GRIK4: variants seen among roughly 807,000 people sequenced by gnomAD.
GRIK4 encodes the protein glutamate receptor ionotropic, kainate 4.
Under a neutral mutation model 104.9 loss-of-function variants are expected in GRIK4, and 40 were observed. That is an observed-to-expected ratio of 0.38 (90% CI 0.30 to 0.50). The LOEUF is 0.50. Ranked by LOEUF, GRIK4 falls within the 20% of genes least tolerant of loss-of-function variation. GRIK4 has a pLI of 0.93. For synonymous variants in GRIK4, 485 were observed against 524.9 expected, an observed-to-expected ratio of 0.92 and a Z score of 1.04; for missense variants, 1,047 against 1,308.1, an observed-to-expected ratio of 0.80 and a Z score of 3.08.
intron 8 of GRIK4, among the ~76,000 whole-genome samples, chr11:120,841,766 G>A (rs1953722226): frequency 6.6e-6 from 1 of 152,136 alleles, no homozygotes; most frequent in Non-Finnish European, 1.5e-5. Context: ...CTGCAACCTT[G>A]ACAATACTTG....
intron 1 of GRIK4, among the ~76,000 whole-genome samples, chr11:120,514,831 C>T (rs796544789): frequency 4.6e-5 from 7 of 152,338 alleles, no homozygotes; most frequent in African/African-American, 1.4e-4. Flanking sequence ...CTTCTGGGCA[C>T]TTCGAGTGTC....
At chr11:120,973,051 C>T (rs1041102549) in intron 19 of GRIK4, among the ~76,000 whole-genome samples, 2 of 152,066 alleles carry the variant, frequency 1.3e-5, no homozygotes, top group Non-Finnish European at 2.9e-5. Flanking sequence ...TGAAATACAT[C>T]CCGGGAAGAA....
chr11:120,609,486 G>T (rs1331908158), intron 1 of GRIK4, among the ~76,000 whole-genome samples: 1 of 124,876 alleles, frequency 8.0e-6, no homozygotes, highest in Admixed American at 8.0e-5. Context: ...TTCCCTCTCT[G>T]CTTTCCCTTT....
At chr11:120,601,871 G>A (rs1948892194) in intron 1 of GRIK4, among the ~76,000 whole-genome samples, 1 of 152,196 alleles carries the variant, frequency 6.6e-6, no homozygotes, top group South Asian at 2.1e-4. Flanking sequence ...CAGCATGAAG[G>A]ATAAAGAAGC....
Position 120,819,743 on chromosome 11 carries a change from T to C in GRIK4, c.346-12T>C, listed in dbSNP as rs761480041. 5.6e-5 allele frequency: 91 copies of C among 1,613,724 alleles called. No homozygotes were observed. Among genetic ancestry groups the C allele is most frequent in the African/African-American group, 2.7e-5 (2 of 74,904 alleles). ...GATCCTCCCTGCTGTCCGTTTTTGC[T>C]CCTCTTGCCAGGTCCCTCACTTCAA... On this transcript the variant is annotated splice_polypyrimidine_tract_variant and intron_variant, in intron 5 of 20. Coordinates refer to ENST00000527524, the MANE Select transcript of GRIK4 (RefSeq NM_014619.5). This position sits in a 1 kb window ranked among gnomAD's most constrained non-coding sequence, Gnocchi z 4.3.
At chr11:120,887,729 A>G (rs1955161939) in intron 11 of GRIK4, among the ~76,000 whole-genome samples, 1 of 152,148 alleles carries the variant, frequency 6.6e-6, no homozygotes, top group Admixed American at 6.5e-5. Context: ...GAGTCTCTTC[A>G]CTCTGGTACA....
chr11:120,512,521 C>T (rs1444812837), intron 1 of GRIK4, among the ~76,000 whole-genome samples: 2 of 152,078 alleles, frequency 1.3e-5, no homozygotes, highest in Non-Finnish European at 1.5e-5. Context: ...AACCAGCGTC[C>T]TATCAGAAAT....
At chr11:120,533,400 C>G (rs1052844598) in intron 1 of GRIK4, among the ~76,000 whole-genome samples, 1 of 152,226 alleles carries the variant, frequency 6.6e-6, no homozygotes, top group Non-Finnish European at 1.5e-5. Context: ...ACAGGTACTG[C>G]TAGCGCCCCT....
Position 120,966,273 on chromosome 11 carries a change from C to T in GRIK4, c.2267-922C>T, listed in dbSNP as rs572358463. On this transcript the variant is annotated intron_variant, in intron 18 of 20. Coordinates refer to ENST00000527524, the MANE Select transcript of GRIK4 (RefSeq NM_014619.5). ...GGAACACCTGGTGACCTGATTCTCA[C>T]ACTCTGGGGTGGCTCTTCTCTCATT... is the stretch of plus-strand genomic sequence containing the variant. 3.3e-5 allele frequency among the ~76,000 whole-genome samples: 5 copies of T among 152,318 alleles called. No individual in the cohort carries two copies. In the South Asian group the frequency reaches 1.0e-3, roughly 32 times the overall value.
intron 1 of GRIK4, among the ~76,000 whole-genome samples, chr11:120,545,139 G>A (rs1205781768): frequency 6.6e-6 from 1 of 152,156 alleles, no homozygotes; most frequent in African/African-American, 2.4e-5. Flanking sequence ...GTTTCCTGTG[G>A]CTCTCTGCAG....
chr11:120,871,391 G>A (rs1390091275), intron 9 of GRIK4: 6 of 350,456 alleles, frequency 1.7e-5, no homozygotes, highest in South Asian at 4.5e-5. Flanking sequence ...CATGCAGGGC[G>A]AATCAAATGA....
At chr11:120,527,643 A>T (rs1285532933) in intron 1 of GRIK4, among the ~76,000 whole-genome samples, 1 of 152,166 alleles carries the variant, frequency 6.6e-6, no homozygotes. Context: ...TACCTTTGTG[A>T]TGTGGCTGAG....
intron 1 of GRIK4, among the ~76,000 whole-genome samples, chr11:120,578,799 G>A (rs1364034741): frequency 1.3e-5 from 2 of 152,194 alleles, no homozygotes; most frequent in African/African-American, 4.8e-5. Context: ...GTAACACCCT[G>A]CTATGTCGTC....
intron 6 of GRIK4, among the ~76,000 whole-genome samples, chr11:120,825,248 C>T (rs912762869): frequency 5.9e-5 from 9 of 152,092 alleles, no homozygotes; most frequent in Non-Finnish European, 1.0e-4. Flanking sequence ...TTTTAATGTC[C>T]TTTTTGTGGT....
chr11:120,689,262 CT>C (rs1371246002), intron 3 of GRIK4, among the ~76,000 whole-genome samples: 1 of 152,112 alleles, frequency 6.6e-6, no homozygotes, highest in Non-Finnish European at 1.5e-5. Context: ...TTCATAACCT[CT>C]TGCCTGGCAA....
intron 1 of GRIK4, among the ~76,000 whole-genome samples, chr11:120,552,283 T>C (rs954010702): frequency 1.3e-5 from 2 of 152,222 alleles, no homozygotes; most frequent in African/African-American, 4.8e-5. Context: ...GCTGCAGAGC[T>C]GATTGCTTGA....
intron 3 of GRIK4, among the ~76,000 whole-genome samples, chr11:120,709,931 T>C (rs552359592): frequency 6.6e-6 from 1 of 152,316 alleles, no homozygotes; most frequent in South Asian, 2.1e-4. Flanking sequence ...AATACATCAC[T>C]GTCTGCATCA....
At chr11:120,848,354 C>T (rs1208396582) in intron 8 of GRIK4, among the ~76,000 whole-genome samples, 1 of 152,176 alleles carries the variant, frequency 6.6e-6, no homozygotes, top group African/African-American at 2.4e-5. Flanking sequence ...TCTGACTTTC[C>T]CTCTCCTTAT....
intron 13 of GRIK4, among the ~76,000 whole-genome samples, chr11:120,913,320 T>C (rs887506263): frequency 2.0e-5 from 3 of 152,008 alleles, no homozygotes; most frequent in African/African-American, 7.2e-5. Context: ...GCCCAGAATT[T>C]GATACCCAAG....
Sources: allele counts gnomAD v4.1 joint callset (sites outside exome capture counted in the v4.1 genomes callset), GRCh38; gene constraint gnomAD v4.1.1; non-coding constraint Gnocchi (gnomAD v3.1); transcripts MANE v1.5; gene names NCBI Gene and HGNC (gene_info 2026-07-23, HGNC 2026-07-21).